The following MTCL2 variants were observed in gnomAD, a reference collection of about 807,000 sequenced individuals.
MTCL2 encodes the protein microtubule crosslinking factor 2, also known as microtubule cross-linking factor 2.
the MTCL2 span, chr20:36,803,245 C>CTGGG: frequency 1.6e-6 from 2 of 1,280,422 alleles, no homozygotes; most frequent in Non-Finnish European, 2.1e-6. Context: ...ACTAACCCAG[C>CTGGG]TTAGTCCTCC....
the MTCL2 span, among the ~76,000 whole-genome samples, chr20:36,827,382 G>T: frequency 8.0e-6 from 1 of 125,376 alleles, no homozygotes; most frequent in African/African-American, 3.0e-5. Context: ...TTTTTTTTTG[G>T]AGATAGGGTC....
At chr20:36,788,115 G>A in the MTCL2 span, among the ~76,000 whole-genome samples, 6 of 149,632 alleles carry the variant, frequency 4.0e-5, no homozygotes, top group South Asian at 1.1e-3. Flanking sequence ...GCAGCAGAAC[G>A]GCTTGAACTC....
chr20:36,846,264 C>T, the MTCL2 span, among the ~76,000 whole-genome samples: 1 of 152,104 alleles, frequency 6.6e-6, no homozygotes, highest in South Asian at 2.1e-4. Flanking sequence ...TCATCCTCTG[C>T]CAGACAACAA....
the MTCL2 span, among the ~76,000 whole-genome samples, chr20:36,851,208 AT>A: frequency 6.6e-6 from 1 of 152,160 alleles, no homozygotes. Flanking sequence ...TATTGTATAT[AT>A]TTGTACAATA....
At chr20:36,808,448 CG>C in the MTCL2 span, 7 of 1,359,100 alleles carry the variant, frequency 5.2e-6, no homozygotes, top group Non-Finnish European at 7.2e-6. Context: ...ACCAGCTGGG[CG>C]TCCCTTCCCT....
the MTCL2 span, among the ~76,000 whole-genome samples, chr20:36,858,311 AACACAC>A: frequency 0.023 from 713 of 31,628 alleles, 19 homozygotes; most frequent in African/African-American, 0.061. Context: ...AAGGAGGGAA[AACACAC>A]ACACACACAC....
chr20:36,791,643 C>T, the MTCL2 span, among the ~76,000 whole-genome samples: 66 of 152,312 alleles, frequency 4.3e-4, no homozygotes, highest in Admixed American at 4.3e-3. Context: ...TTCCTTCTTT[C>T]AGAAATGTGG....
the MTCL2 span, chr20:36,812,577 G>A: frequency 5.5e-6 from 7 of 1,273,468 alleles, no homozygotes; most frequent in Non-Finnish European, 7.4e-6. Context: ...CAAGAAGCCT[G>A]GAACCAAATG....
the MTCL2 span, chr20:36,782,706 T>C: frequency 1.3e-5 from 2 of 152,218 alleles, no homozygotes; most frequent in Non-Finnish European, 2.9e-5. Context: ...GCTAATTTTT[T>C]GTACTTTTAG....
At chr20:36,825,127 G>A in the MTCL2 span, among the ~76,000 whole-genome samples, 5 of 151,878 alleles carry the variant, frequency 3.3e-5, no homozygotes, top group Non-Finnish European at 1.5e-5. Context: ...ATTTGTAGTA[G>A]AAGTGGGGTT....
At chr20:36,802,985 C>T in the MTCL2 span, 13 of 1,593,398 alleles carry the variant, frequency 8.2e-6, no homozygotes, top group Non-Finnish European at 1.1e-5. Flanking sequence ...GCCGAGTCAG[C>T]TCCATGACAG....
the MTCL2 span, chr20:36,808,487 AGTCCCAGTCCCT>A: frequency 6.4e-7 from 1 of 1,557,982 alleles, no homozygotes; most frequent in African/African-American, 1.4e-5. Context: ...CCACACTCCC[AGTCCCAGTCCCT>A]GGCCCAATCT....
chr20:36,841,690 T>C, the MTCL2 span, among the ~76,000 whole-genome samples: 1 of 152,064 alleles, frequency 6.6e-6, no homozygotes. Context: ...AATTTGGGTT[T>C]GGGATTTGTT....
the MTCL2 span, chr20:36,793,222 G>A: frequency 5.9e-6 from 9 of 1,537,620 alleles, no homozygotes; most frequent in Admixed American, 1.2e-4. This position sits in a 1 kb window ranked among gnomAD's most constrained non-coding sequence, Gnocchi z 6.8. Flanking sequence ...CACCTACTAA[G>A]AGAAAGGACA....
the MTCL2 span, chr20:36,839,360 G>A: frequency 4.1e-5 from 66 of 1,612,988 alleles, no homozygotes; most frequent in Non-Finnish European, 5.4e-5. The surrounding 1 kb of genome is among the most constrained non-coding windows in gnomAD (Gnocchi z 5.1). Context: ...TGCTGTCGCA[G>A]CTCCTGCAGC....
At chr20:36,856,934 G>T in the MTCL2 span, among the ~76,000 whole-genome samples, 1 of 152,220 alleles carries the variant, frequency 6.6e-6, no homozygotes, top group South Asian at 2.1e-4. Flanking sequence ...AATGCTACAT[G>T]CCTAATGTTT....
At chr20:36,860,424 C>T in the MTCL2 span, among the ~76,000 whole-genome samples, 1 of 152,334 alleles carries the variant, frequency 6.6e-6, no homozygotes, top group Non-Finnish European at 1.5e-5. Flanking sequence ...ACCTCATCCT[C>T]CCTTGTCCAC....
At chr20:36,829,326 C>A in the MTCL2 span, 1 of 1,040,684 alleles carries the variant, frequency 9.6e-7, no homozygotes, top group Non-Finnish European at 1.4e-6. Flanking sequence ...AGGCAGGTTC[C>A]TATCGCATCA....
At chr20:36,802,873 G>A in the MTCL2 span, 1 of 1,578,662 alleles carries the variant, frequency 6.3e-7, no homozygotes, top group Non-Finnish European at 8.6e-7. Context: ...AGGCGGTTCT[G>A]CAGCTCCTTC....
Sources: allele counts gnomAD v4.1 joint callset (sites outside exome capture counted in the v4.1 genomes callset), GRCh38; gene constraint gnomAD v4.1.1; non-coding constraint Gnocchi (gnomAD v3.1); transcripts MANE v1.5; gene names NCBI Gene and HGNC (gene_info 2026-07-23, HGNC 2026-07-21).